ETAA1: variants seen among roughly 807,000 people sequenced by gnomAD.
The protein encoded by ETAA1 is ETAA1 activator of ATR kinase.
ETAA1 carries 49 observed loss-of-function variants against 76.8 expected under a neutral mutation model. That is an observed-to-expected ratio of 0.64 (90% CI 0.51 to 0.81). The LOEUF (loss-of-function observed/expected upper bound fraction) is 0.81. Among genes scored for constraint, ETAA1 ranks in the 30% least tolerant of loss-of-function variants. The pLI, the probability that ETAA1 is intolerant of heterozygous loss-of-function variation, is 0.00. For synonymous variants in ETAA1, 373 were observed against 372.2 expected, an observed-to-expected ratio of 1.00 and a Z score of -0.03; for missense variants, 1,099 against 1,074.0, an observed-to-expected ratio of 1.02 and a Z score of -0.32.
chr2:67,409,713 A>G (rs554653681), intron 5 of ETAA1, among the ~76,000 whole-genome samples, 198 bp from the exon 6 acceptor site: 2 of 152,168 alleles, frequency 1.3e-5, no homozygotes, highest in African/African-American at 4.8e-5. Context: ...AGACAGATCC[A>G]TCAGTGCTTG....
chr2:67,407,488 C>T (rs1676251865), intron 5 of ETAA1, among the ~76,000 whole-genome samples: 1 of 152,006 alleles, frequency 6.6e-6, no homozygotes, highest in Non-Finnish European at 1.5e-5. Context: ...GTAACTAAAT[C>T]AAGCATGTTC....
intron 3 of ETAA1, chr2:67,401,033 A>T (rs913898057): frequency 6.6e-6 from 1 of 152,096 alleles, no homozygotes; most frequent in South Asian, 2.1e-4. Flanking sequence ...GCATAATAAA[A>T]TGTGTTTGGG....
chr2:67,403,436 A>G lies in ETAA1; in HGVS notation c.754A>G (p.Lys252Glu), dbSNP rs1359004566. Reference protein sequence around the residue: ...NIVPEIDNATKKPIKGNTKIS... With the variant: ...NIVPEIDNATEKPIKGNTKIS... ...AGTTCCCGAAATAGATAATGCTACA[A>G]AAAAGCCAATCAAAGGAAACACCAA... is the stretch of plus-strand genomic sequence containing the variant. The change falls in exon 5 of 6, where the codon AAA (lysine) becomes GAA (glutamate). Residue 252 changes from lysine (K) to glutamate (E), a missense_variant. Physicochemically the swap from Lys to Glu is moderately conservative, Grantham distance 56. Around this residue, in one of 3 missense-constraint regions of ETAA1, gnomAD observed 761 missense variants for 731.9 expected, o/e 1.04. Transcript: ENST00000272342. The G allele has an allele frequency of 3.7e-6, 6 of 1,612,880 alleles. No individual in the cohort carries two copies. Among genetic ancestry groups the G allele is most frequent in the Non-Finnish European group, 5.1e-6 (6 of 1,179,076 alleles).
Position 67,398,055 on chromosome 2 carries a change from T to C in ETAA1, c.223+384T>C, listed in dbSNP as rs184729268. 2.4e-4 allele frequency among the ~76,000 whole-genome samples: 36 copies of C among 152,280 alleles called. No homozygotes were observed. The East Asian group carries it at 6.2e-3, about 26-fold the overall frequency. On this transcript the variant is annotated intron_variant, in intron 1 of 5. Coordinates refer to ENST00000272342, the MANE Select transcript of ETAA1 (RefSeq NM_019002.4). ...GTTATTTCTCTTTAAACCCTTTTTT[T>C]CCCTGTGACCTGCTTTAGAGAAGAG... is the stretch of plus-strand genomic sequence containing the variant.
chr2:67,405,100 T>G lies in ETAA1; in HGVS notation c.2418T>G (p.Asp806Glu), dbSNP rs185835077. ...AGCCATGCCATAAGACTGTAACAGA[T>G]GAAGCTCAGAGCAACCTTAACACAA... ...TNQPCHKTVT[D>E]EAQSNLNTTV... Residue 806 changes from aspartate to glutamate, a missense_variant, in exon 5 of 6, where the codon GAT (aspartate) becomes GAG (glutamate). By Grantham distance (45) the Asp-to-Glu change is conservative (BLOSUM62 2). Around this residue, in one of 3 missense-constraint regions of ETAA1, gnomAD observed 302 missense variants for 278.1 expected, o/e 1.09. Coordinates refer to ENST00000272342, the MANE Select transcript of ETAA1 (RefSeq NM_019002.4). 42 of 1,612,746 alleles carry G rather than the reference T, an allele frequency of 2.6e-5. 1 individual carries two copies. The African/African-American group carries it at 5.3e-4, about 20-fold the overall frequency.
chr2:67,397,657 A>G lies in ETAA1; in HGVS notation c.209A>G (p.Lys70Arg), dbSNP rs1572904941. 6.5e-7 allele frequency: 1 copy of G among 1,547,098 alleles called. No homozygotes were observed. Among genetic ancestry groups the G allele is most frequent in the Middle Eastern group, 2.3e-4 (1 of 4,374 alleles). Residue 70 changes from lysine (K) to arginine (R), a missense_variant, in exon 1 of 6, where the codon AAA becomes AGA. Physicochemically the swap from Lys to Arg is conservative, Grantham distance 26 (BLOSUM62 2). Around this residue, in one of 3 missense-constraint regions of ETAA1, gnomAD observed 761 missense variants for 731.9 expected, o/e 1.04. Coordinates refer to ENST00000272342, the MANE Select transcript of ETAA1 (RefSeq NM_019002.4). Reference protein sequence around the residue: ...EQPPTAALCSKSNPEERYETP... With the variant: ...EQPPTAALCSRSNPEERYETP... The stretch of plus-strand genomic sequence containing the variant: ...CCTCCGACCGCCGCCCTGTGCAGTA[A>G]AAGTAACCCCGAGGGTGAGACGTCG...
chr2:67,407,809 T>A (rs1676260149), intron 5 of ETAA1, among the ~76,000 whole-genome samples: 1 of 152,144 alleles, frequency 6.6e-6, no homozygotes, highest in Admixed American at 6.6e-5. Flanking sequence ...GTCTTCATCC[T>A]CATGATCTTC....
Position 67,409,980 on chromosome 2 carries a change from G to C in ETAA1, c.2723G>C (p.Arg908Pro). 1 of 1,609,612 alleles carries C rather than the reference G, an allele frequency of 6.2e-7. No homozygotes were observed. The highest frequency in any genetic ancestry group is 8.5e-7 in the Non-Finnish European group (1 of 1,178,210). The change falls in exon 6 of 6, where the codon CGG becomes CCG. Residue 908 changes from arginine to proline, a missense_variant. This residue lies in a region of ETAA1 where 302 missense variants were observed against 278.1 expected (regional missense o/e 1.09). Transcript: ENST00000272342. ...AGAAAAAGACAAGAAGCACTGGTTCGGAGAATGGCTAAAGCACGAGCCTCA... is the reference window on the plus strand; with the variant it reads ...AGAAAAAGACAAGAAGCACTGGTTCCGAGAATGGCTAAAGCACGAGCCTCA... ...IQRKRQEALV[R>P]RMAKARASSV...
intron 5 of ETAA1, among the ~76,000 whole-genome samples, chr2:67,408,133 A>G (rs1445903613): frequency 6.6e-6 from 1 of 152,040 alleles, no homozygotes; most frequent in East Asian, 1.9e-4. Flanking sequence ...GATGTTTTCT[A>G]TTGTTTCTAC....
chr2:67,398,699 A>G (rs1014874786), intron 1 of ETAA1, among the ~76,000 whole-genome samples: 2 of 152,238 alleles, frequency 1.3e-5, no homozygotes, highest in African/African-American at 2.4e-5. Context: ...TAAAAATTTG[A>G]AAGTGATTCT....
rs2103749098 is a variant in ETAA1 at position 67,403,396 on chromosome 2, G to T, written c.714G>T (p.Trp238Cys). ...ATTATAAAGATAATATACAGATGTGGTCATTACATAATATAGTTCCCGAAA... is the reference window on the plus strand; with the variant it reads ...ATTATAAAGATAATATACAGATGTGTTCATTACATAATATAGTTCCCGAAA... ...LSNYKDNIQM[W>C]SLHNIVPEID... Residue 238 changes from tryptophan to cysteine, a missense_variant, in exon 5 of 6, where the codon TGG (tryptophan) becomes TGT (cysteine). By Grantham distance (215) the Trp-to-Cys change is radical. Transcript: ENST00000272342. 6.2e-7 allele frequency: 1 copy of T among 1,606,382 alleles called. No individual in the cohort carries two copies. Among genetic ancestry groups the T allele is most frequent in the Non-Finnish European group, 8.5e-7 (1 of 1,173,706 alleles).
At chr2:67,409,755 A>T (rs1676318031) in intron 5 of ETAA1, among the ~76,000 whole-genome samples, 156 bp from the exon 6 acceptor site, 1 of 152,004 alleles carries the variant, frequency 6.6e-6, no homozygotes, top group Admixed American at 6.6e-5. Context: ...TTATATCTGT[A>T]TTATGTACTT....
chr2:67,410,296 G>GTAGT lies in ETAA1; in HGVS notation c.*261_*264dup, dbSNP rs1184176470. On this transcript the variant is annotated 3_prime_UTR_variant, in exon 6 of 6. Transcript: ENST00000272342. ...ATGTACGGATATTATACAGAGGAAA[G>GTAGT]TAGTTATATTTTTAAATGCTATTAT... 2 of 297,648 alleles carry GTAGT rather than the reference G, an allele frequency of 6.7e-6. No individual in the cohort carries two copies. The highest frequency in any genetic ancestry group is 1.2e-5 in the Non-Finnish European group (2 of 163,552). 18.4% of individuals were successfully genotyped at this position (297,648 alleles called of 1,614,324 possible). A position where few individuals can be genotyped will look rare whatever the true frequency, so the allele number is the denominator to read the frequency against.
chr2:67,408,237 T>C (rs1003947187), intron 5 of ETAA1, among the ~76,000 whole-genome samples: 1 of 152,156 alleles, frequency 6.6e-6, no homozygotes, highest in Non-Finnish European at 1.5e-5. Flanking sequence ...AGGCAGGAGT[T>C]GGCAAACTAT....
Position 67,397,337 on chromosome 2 carries a change from A to C in ETAA1, c.-112A>C. Reference sequence around the variant, plus strand: ...GCCGCCTCTTGCGCGCGCCCCACCGACCAAAATGGCGGCTGCCGTTGGTGC... The same window carrying C: ...GCCGCCTCTTGCGCGCGCCCCACCGCCCAAAATGGCGGCTGCCGTTGGTGC... On this transcript the variant is annotated 5_prime_UTR_variant, in exon 1 of 6. Transcript: ENST00000272342. 2 of 1,192,010 alleles carry C rather than the reference A, an allele frequency of 1.7e-6. No homozygotes were observed. Among genetic ancestry groups the C allele is most frequent in the Non-Finnish European group, 2.4e-6 (2 of 822,342 alleles). The allele number at this position is 1,192,010 out of a possible 1,614,324, so 73.8% of individuals were successfully genotyped here.
In ETAA1 at chr2:67,404,681, G is replaced by A. The variant is rs777386751; in HGVS notation, c.1999G>A (p.Glu667Lys). ...CAGTAAGACATCAGAAAGTATATGT[G>A]AGATCAATAATAATTCCGAACATGG... ...KDSKTSESIC[E>K]INNNSEHGAK... is the part of the protein sequence containing the mutation. The change falls in exon 5 of 6, where the codon GAG (glutamate) becomes AAG (lysine). Residue 667 changes from glutamate (E) to lysine (K), a missense_variant. Physicochemically the swap from Glu to Lys is moderately conservative, Grantham distance 56 (BLOSUM62 1). This residue lies in a region of ETAA1 where 36 missense variants were observed against 64.0 expected (regional missense o/e 0.56). Transcript: ENST00000272342. 3.7e-6 allele frequency: 6 copies of A among 1,613,202 alleles called. No homozygotes were observed. The South Asian group carries it at 6.6e-5, about 18-fold the overall frequency.
chr2:67,403,463 A>G lies in ETAA1; in HGVS notation c.781A>G (p.Ile261Val), dbSNP rs776050831. 2.5e-6 allele frequency: 4 copies of G among 1,613,370 alleles called. No homozygotes were observed. Among genetic ancestry groups the G allele is most frequent in the African/African-American group, 1.3e-5 (1 of 75,030 alleles). The change falls in exon 5 of 6, where the codon ATA becomes GTA. Residue 261 changes from isoleucine to valine, a missense_variant. Coordinates refer to ENST00000272342, the MANE Select transcript of ETAA1 (RefSeq NM_019002.4). The stretch of plus-strand genomic sequence containing the variant: ...AAAGCCAATCAAAGGAAACACCAAG[A>G]TATCTGTGGCAAATAATCAAAATAG... ...TKKPIKGNTK[I>V]SVANNQNSSQ...
Position 67,403,835 on chromosome 2 carries a change from A to G in ETAA1, c.1153A>G (p.Asn385Asp), listed in dbSNP as rs1676124441. ...AAGTGATTTTGAGGATGATTGGGAA[A>G]ACTTACTAGGTAGTGAACCTTTTGC... ...TTSDFEDDWE[N>D]LLGSEPFAMQ... is the part of the protein sequence containing the mutation. Residue 385 changes from asparagine to aspartate, a missense_variant, in exon 5 of 6, where the codon AAC (asparagine) becomes GAC (aspartate). This residue lies in a region of ETAA1 where 761 missense variants were observed against 731.9 expected (regional missense o/e 1.04). Coordinates refer to ENST00000272342, the MANE Select transcript of ETAA1 (RefSeq NM_019002.4). The G allele has an allele frequency of 6.2e-7, 1 of 1,613,234 alleles. No individual in the cohort carries two copies. Among genetic ancestry groups the G allele is most frequent in the Non-Finnish European group, 8.5e-7 (1 of 1,179,490 alleles).
intron 3 of ETAA1, chr2:67,401,437 ATGT>A (rs1373950268): frequency 6.6e-6 from 1 of 151,870 alleles, no homozygotes; most frequent in Non-Finnish European, 1.5e-5. Flanking sequence ...CTTTTATACA[ATGT>A]TGTTTATTTG....
Sources: allele counts gnomAD v4.1 joint callset (sites outside exome capture counted in the v4.1 genomes callset), GRCh38; gene constraint gnomAD v4.1.1; regional missense constraint gnomAD v4.1.1; transcripts MANE v1.5; gene names NCBI Gene and HGNC (gene_info 2026-07-23, HGNC 2026-07-21).